Variants in SCOC observed in about 807,000 individuals in gnomAD.
The protein encoded by SCOC is short coiled-coil protein, also known as short coiled coil protein.
Under a neutral mutation model 9.9 loss-of-function variants are expected in SCOC, and 7 were observed. The observed-to-expected ratio is 0.71, with a 90% CI of 0.40 to 1.33. The LOEUF (loss-of-function observed/expected upper bound fraction) is 1.33. SCOC is among the 40% of genes most tolerant of loss of function. SCOC has a pLI of 0.01. For missense variants in SCOC, 66 were observed against 89.7 expected, an observed-to-expected ratio of 0.74 and a Z score of 1.07; for synonymous variants, 19 against 28.2, an observed-to-expected ratio of 0.67 and a Z score of 1.03.
At chr4:140,363,161 G>T (rs1043748621) in intron 2 of SCOC, among the ~76,000 whole-genome samples, 1 of 152,154 alleles carries the variant, frequency 6.6e-6, no homozygotes, top group African/African-American at 2.4e-5. Context: ...GGACTTGGGG[G>T]ACATAGGTAA....
At chr4:140,290,467 A>G (rs536996809) in intron 1 of SCOC, among the ~76,000 whole-genome samples, 18 of 152,298 alleles carry the variant, frequency 1.2e-4, no homozygotes, top group African/African-American at 4.3e-4. Flanking sequence ...TTTCCATCTT[A>G]CAATAGACTA....
At chr4:140,269,473 G>A (rs78819761) in intron 1 of SCOC, among the ~76,000 whole-genome samples, 7,683 of 152,116 alleles carry the variant, frequency 0.051, 266 homozygotes, top group Middle Eastern at 0.11. Context: ...TGACAGTCTC[G>A]GAGGAGCTCA....
chr4:140,303,404 A>T (rs1731869674), intron 1 of SCOC, among the ~76,000 whole-genome samples: 1 of 152,156 alleles, frequency 6.6e-6, no homozygotes, highest in South Asian at 2.1e-4. Flanking sequence ...GGAAAATGGG[A>T]CCTCAGGCCC....
intron 1 of SCOC, among the ~76,000 whole-genome samples, chr4:140,275,816 G>GTTTTT (rs199643449): frequency 3.7e-5 from 5 of 133,468 alleles, no homozygotes; most frequent in South Asian, 2.4e-4. Context: ...ACTCGCTCAG[G>GTTTTT]TTTGTTTTTT....
chr4:140,366,848 G>A (rs928895849), intron 2 of SCOC: 24 of 796,872 alleles, frequency 3.0e-5, no homozygotes, highest in Admixed American at 5.3e-5. Flanking sequence ...TCCACGAAGC[G>A]CCTGAACACC....
At chr4:140,336,205 CTTATT>C (rs764410553) in intron 1 of SCOC, among the ~76,000 whole-genome samples, 11 of 152,220 alleles carry the variant, frequency 7.2e-5, no homozygotes, top group Non-Finnish European at 1.3e-4. Context: ...ATTTTTTAAT[CTTATT>C]TTAAAGTTGG....
intron 2 of SCOC, among the ~76,000 whole-genome samples, chr4:140,345,264 T>C (rs1473991713): frequency 5.9e-5 from 9 of 152,008 alleles, no homozygotes; most frequent in African/African-American, 1.9e-4. Context: ...TGCTCCCAAT[T>C]GCCGCCTCCT....
intron 1 of SCOC, among the ~76,000 whole-genome samples, chr4:140,271,447 A>G (rs1053071576): frequency 1.3e-5 from 2 of 152,242 alleles, no homozygotes; most frequent in Non-Finnish European, 2.9e-5. Context: ...TTAATGAGCT[A>G]AATGCATCAG....
At position 140,381,923 on chromosome 4, in the gene SCOC, G is replaced by A. The variant is rs1351005095; in HGVS notation, c.*819G>A. The A allele has an allele frequency of 2.0e-5, 3 of 152,132 alleles. No individual in the cohort carries two copies. Among genetic ancestry groups the A allele is most frequent in the African/African-American group, 4.8e-5 (2 of 41,428 alleles). 9.4% of individuals were successfully genotyped at this position (152,132 alleles called of 1,614,324 possible). A position where few individuals can be genotyped will look rare whatever the true frequency, so the allele number is the denominator to read the frequency against. Reference sequence around the variant, plus strand: ...GTGGAAAAGTACTCGGTAAACAGTAGTAACCAAATATTTTCACTCCAGATT... The same window carrying A: ...GTGGAAAAGTACTCGGTAAACAGTAATAACCAAATATTTTCACTCCAGATT... On this transcript the variant is annotated 3_prime_UTR_variant, in exon 4 of 4. Coordinates refer to ENST00000608372, the MANE Select transcript of SCOC (RefSeq NM_001153484.2).
intron 2 of SCOC, among the ~76,000 whole-genome samples, chr4:140,362,307 T>TCTTCTTCTTCCTTCCTC (rs1367879973): frequency 1.5e-5 from 1 of 67,650 alleles, no homozygotes; most frequent in Non-Finnish European, 3.5e-5. Flanking sequence ...TTCTTTTTTT[T>TCTTCTTCTTCCTTCCTC]TTTTTTTTGT....
upstream of SCOC, among the ~76,000 whole-genome samples, chr4:140,341,828 G>C (rs1171769705): frequency 6.6e-6 from 1 of 152,168 alleles, no homozygotes; most frequent in Non-Finnish European, 1.5e-5. Flanking sequence ...AAAACTAAGG[G>C]AGGTCATTTC....
intron 1 of SCOC, among the ~76,000 whole-genome samples, chr4:140,300,742 G>A (rs1398015299): frequency 6.6e-6 from 1 of 152,246 alleles, no homozygotes; most frequent in Non-Finnish European, 1.5e-5. Flanking sequence ...TGTCAACAGT[G>A]CTGGTGGGAA....
At chr4:140,338,897 G>A (rs1431892856), upstream of SCOC, among the ~76,000 whole-genome samples, 1 of 152,170 alleles carries the variant, frequency 6.6e-6, no homozygotes, top group Admixed American at 6.5e-5. Flanking sequence ...TAGATTCAAT[G>A]CCATCCCCAT....
chr4:140,286,870 G>A (rs1054841257), intron 1 of SCOC, among the ~76,000 whole-genome samples: 14 of 152,178 alleles, frequency 9.2e-5, no homozygotes, highest in Non-Finnish European at 1.3e-4. Context: ...GGTACTTTGG[G>A]AGGAAAGTGA....
At chr4:140,374,830 A>G (rs1728264638) in intron 1 of SCOC, among the ~76,000 whole-genome samples, 1 of 152,222 alleles carries the variant, frequency 6.6e-6, no homozygotes, top group African/African-American at 2.4e-5. Context: ...CCTCTGAAAC[A>G]GCTTTTCTGA....
chr4:140,380,003 T>C (rs1728502581), intron 3 of SCOC, among the ~76,000 whole-genome samples: 1 of 152,092 alleles, frequency 6.6e-6, no homozygotes, highest in African/African-American at 2.4e-5. Flanking sequence ...TTCATCTGAA[T>C]TTTTTCATTT....
At chr4:140,293,368 T>G (rs1194211919) in intron 1 of SCOC, 1 of 456,944 alleles carries the variant, frequency 2.2e-6, no homozygotes, top group Admixed American at 2.3e-5. Context: ...TCTTGTGTCT[T>G]CTGAGCAGGG....
chr4:140,287,855 C>T (rs1056913669), intron 1 of SCOC, among the ~76,000 whole-genome samples: 4 of 152,012 alleles, frequency 2.6e-5, no homozygotes, highest in South Asian at 4.1e-4. Context: ...CTATGACACA[C>T]AGACCACAGA....
At chr4:140,328,586 T>A (rs753267878) in intron 1 of SCOC, among the ~76,000 whole-genome samples, 69 of 152,344 alleles carry the variant, frequency 4.5e-4, no homozygotes, top group Non-Finnish European at 8.2e-4. Flanking sequence ...ACCTGAATGC[T>A]AATAAGCAAA....
Sources: gnomAD v4.1 joint callset for allele counts (sites outside exome capture counted in the v4.1 genomes callset) on GRCh38, gnomAD v4.1.1 for gene constraint, MANE v1.5 for transcripts, NCBI Gene and HGNC (gene_info 2026-07-23, HGNC 2026-07-21) for gene names.